CRPPA: variants seen among roughly 807,000 people sequenced by gnomAD.
CRPPA encodes D-ribitol-5-phosphate cytidylyltransferase.
In CRPPA, 43 loss-of-function variants were observed where a neutral mutation model predicts 52.0. That is an observed-to-expected ratio of 0.83 (90% CI 0.65 to 1.07). The LOEUF (loss-of-function observed/expected upper bound fraction) is 1.07. Ranked by LOEUF, CRPPA falls within the 50% of genes least tolerant of loss-of-function variation. The probability of loss-of-function intolerance (pLI) is 0.00; values close to 1 mark genes in which losing one functional copy is unlikely to be tolerated. For synonymous variants in CRPPA, 250 were observed against 203.5 expected (o/e 1.23, Z -1.94); for missense variants, 629 against 551.7 (o/e 1.14, Z -1.40).
chr7:16,116,801 G>C (rs1440396724), intron 9 of CRPPA, among the ~76,000 whole-genome samples: 1 of 152,122 alleles, frequency 6.6e-6, no homozygotes, highest in Non-Finnish European at 1.5e-5. Flanking sequence ...ATTGAATCCT[G>C]GATCAGAAAA....
chr7:16,360,304 A>T (rs910399243), intron 3 of CRPPA, among the ~76,000 whole-genome samples: 1 of 152,214 alleles, frequency 6.6e-6, no homozygotes, highest in African/African-American at 2.4e-5. Context: ...TTCATTAAAC[A>T]TCCATTAGAT....
At chr7:16,128,039 A>C (rs1782612217) in intron 9 of CRPPA, among the ~76,000 whole-genome samples, 2 of 152,144 alleles carry the variant, frequency 1.3e-5, no homozygotes, top group South Asian at 4.1e-4. Flanking sequence ...GGTCTTTGAG[A>C]AGTAACCACA....
intron 6 of CRPPA, chr7:16,268,989 G>A (rs553003791): frequency 3.5e-4 from 54 of 152,222 alleles, no homozygotes; most frequent in African/African-American, 1.1e-3. Flanking sequence ...AAATCAGTTC[G>A]AACTTCTTGA....
chr7:16,279,487 AG>A (rs1784275310), intron 5 of CRPPA, among the ~76,000 whole-genome samples: 2 of 152,212 alleles, frequency 1.3e-5, no homozygotes, highest in African/African-American at 4.8e-5. Flanking sequence ...GGACATGAGT[AG>A]TAGAAAAAGG....
chr7:16,229,200 G>A (rs977209728), intron 8 of CRPPA, among the ~76,000 whole-genome samples: 1 of 151,706 alleles, frequency 6.6e-6, no homozygotes, highest in Non-Finnish European at 1.5e-5. Context: ...TCTCTCTTTG[G>A]CAGCATATTG....
At chr7:16,413,011 G>A (rs751734379) in intron 1 of CRPPA, among the ~76,000 whole-genome samples, 5 of 152,160 alleles carry the variant, frequency 3.3e-5, no homozygotes, top group Non-Finnish European at 7.4e-5. Context: ...ATCAGGCCCT[G>A]TTAACACCTC....
At chr7:16,269,582 G>C (rs546679162) in intron 6 of CRPPA, 1 of 152,286 alleles carries the variant, frequency 6.6e-6, no homozygotes, top group East Asian at 1.9e-4. Context: ...GCCAACGTAA[G>C]AGAGAAAGGT....
At chr7:16,403,394 T>G (rs1787875612) in intron 2 of CRPPA, among the ~76,000 whole-genome samples, 2 of 152,244 alleles carry the variant, frequency 1.3e-5, no homozygotes, top group East Asian at 3.9e-4. Context: ...CCAGTTTAAG[T>G]TTTTTTAATT....
intron 2 of CRPPA, among the ~76,000 whole-genome samples, chr7:16,380,926 C>T (rs1787068424): frequency 6.6e-6 from 1 of 151,656 alleles, no homozygotes; most frequent in African/African-American, 2.4e-5. Context: ...TTTTGTTGAT[C>T]CTTTCAAAAA....
At chr7:16,172,330 T>A (rs1429512152) in intron 9 of CRPPA, among the ~76,000 whole-genome samples, 3 of 152,000 alleles carry the variant, frequency 2.0e-5, no homozygotes, top group African/African-American at 7.2e-5. Flanking sequence ...GGCTCCATCC[T>A]CACAGCAGGA....
chr7:16,185,783 G>A (rs1201528794), intron 9 of CRPPA, among the ~76,000 whole-genome samples: 1 of 152,158 alleles, frequency 6.6e-6, no homozygotes, highest in African/African-American at 2.4e-5. Context: ...GCATGGTCAG[G>A]AGGCACTGAT....
At chr7:16,200,285 G>C (rs538771835) in intron 9 of CRPPA, among the ~76,000 whole-genome samples, 1 of 152,206 alleles carries the variant, frequency 6.6e-6, no homozygotes, top group African/African-American at 2.4e-5. Flanking sequence ...TACATACTAA[G>C]TGACTTAGTC....
chr7:16,352,604 G>A (rs1786185019), intron 3 of CRPPA, among the ~76,000 whole-genome samples: 1 of 152,058 alleles, frequency 6.6e-6, no homozygotes, highest in Non-Finnish European at 1.5e-5. Context: ...AATCTAAGAA[G>A]TATTGGTGAG....
chr7:16,222,254 T>C (rs974476620), intron 8 of CRPPA, among the ~76,000 whole-genome samples: 5 of 134,316 alleles, frequency 3.7e-5, no homozygotes, highest in African/African-American at 1.4e-4. Context: ...TGAGATCACA[T>C]GGACACAGGA....
chr7:16,136,790 C>T lies in CRPPA; in HGVS notation c.1252-44991G>A, dbSNP rs76256621. ...AGTAGGAAGTTTATACACATATACA[C>T]GCATACACAAACATTTTGTACACAT... On this transcript the variant is annotated intron_variant, in intron 9 of 9. Coordinates refer to ENST00000407010, the MANE Select transcript of CRPPA (RefSeq NM_001101426.4). Among the ~76,000 whole-genome samples the T allele has an allele frequency of 6.7e-3, 1,026 of 152,214 alleles. 13 individuals carry two copies. Among genetic ancestry groups the T allele is most frequent in the African/African-American group, 0.024 (981 of 41,524 alleles).
chr7:16,200,248 T>C (rs1220910802), intron 9 of CRPPA, among the ~76,000 whole-genome samples: 1 of 152,208 alleles, frequency 6.6e-6, no homozygotes, highest in Non-Finnish European at 1.5e-5. Flanking sequence ...TCAGGAGTTC[T>C]TGTGCAAGAA....
At chr7:16,137,215 T>G (rs1280355591) in intron 9 of CRPPA, among the ~76,000 whole-genome samples, 2 of 152,224 alleles carry the variant, frequency 1.3e-5, no homozygotes, top group Non-Finnish European at 2.9e-5. Context: ...CTGCCTCGCT[T>G]ATCTTCCATG....
intron 9 of CRPPA, among the ~76,000 whole-genome samples, chr7:16,180,319 A>C (rs1278539963): frequency 6.6e-6 from 1 of 152,120 alleles, no homozygotes; most frequent in Non-Finnish European, 1.5e-5. Flanking sequence ...TATAGGTACA[A>C]TTTAAAAATA....
intron 9 of CRPPA, among the ~76,000 whole-genome samples, chr7:16,215,819 A>C (rs2128398185): frequency 6.6e-6 from 1 of 152,308 alleles, no homozygotes; most frequent in South Asian, 2.1e-4. Context: ...TAAACCTGAC[A>C]GTTCTATTTG....
Sources: gnomAD v4.1 joint callset for allele counts (sites outside exome capture counted in the v4.1 genomes callset) on GRCh38, gnomAD v4.1.1 for gene constraint, MANE v1.5 for transcripts, NCBI Gene and HGNC (gene_info 2026-07-23, HGNC 2026-07-21) for gene names.